Variants in HYDIN observed in about 807,000 individuals in gnomAD.
The protein encoded by HYDIN is axonemal central pair apparatus protein HYDIN.
Under a neutral mutation model 403.9 loss-of-function variants are expected in HYDIN, and 132 were observed. The ratio of observed to expected loss-of-function variants is 0.33; its 90% CI spans 0.28 to 0.38. The LOEUF is 0.38. Among genes scored for constraint, HYDIN ranks in the 10% least tolerant of loss-of-function variants. The pLI is 1.00. For missense variants in HYDIN, 2,827 were observed against 5,009.5 expected, an observed-to-expected ratio of 0.56 and a Z score of 13.15; for synonymous variants, 1,202 against 1,891.7, an observed-to-expected ratio of 0.64 and a Z score of 9.46.
At chr16:71,046,507 C>T (rs573209253) in intron 18 of HYDIN, among the ~76,000 whole-genome samples, 1 of 151,636 alleles carries the variant, frequency 6.6e-6, no homozygotes, top group South Asian at 2.1e-4. Flanking sequence ...TTTTTCCTTC[C>T]AAAGCACAAA....
chr16:71,205,658 C>T (rs2088259022), intron 1 of HYDIN, among the ~76,000 whole-genome samples: 1 of 152,224 alleles, frequency 6.6e-6, no homozygotes, highest in African/African-American at 2.4e-5. Flanking sequence ...TCTGGCCCAC[C>T]TCCAGCCTGA....
chr16:70,832,962 G>C lies in HYDIN; in HGVS notation c.13785C>G (p.Pro4595=). 10 of 1,614,188 alleles carry C rather than the reference G, an allele frequency of 6.2e-6. No homozygotes were observed. The highest frequency in any genetic ancestry group is 8.5e-6 in the Non-Finnish European group (10 of 1,179,996). Residue 4595 remains proline (P), a synonymous_variant, in exon 80 of 86, where the codon CCC becomes CCG. Transcript: ENST00000393567. ...MEVSFEVTYH[P]TEVGKESLCK... ...AAAGGCTCTCCTTTCCCACCTCGGT[G>C]GGATGGTAGGTCACTTCAAAAGAAA...
chr16:71,005,273 G>T (rs1197627541), intron 23 of HYDIN, among the ~76,000 whole-genome samples: 1 of 152,134 alleles, frequency 6.6e-6, no homozygotes, highest in Admixed American at 6.5e-5. Flanking sequence ...TATCTGTGCT[G>T]TCCAATACAT....
intron 72 of HYDIN, among the ~76,000 whole-genome samples, 170 bp from the exon 73 acceptor site, chr16:70,855,445 G>C (rs935735527): frequency 6.6e-6 from 1 of 152,302 alleles, no homozygotes; most frequent in Admixed American, 6.5e-5. Context: ...CTTCTTTCGG[G>C]GATTCCATGT....
At chr16:71,177,079 C>T (rs28663037) in intron 4 of HYDIN, among the ~76,000 whole-genome samples, 52,324 of 151,626 alleles carry the variant, frequency 0.35, 9,412 homozygotes, top group East Asian at 0.57. Context: ...GGTAGCTGGG[C>T]GTTCCTAGGA....
At chr16:71,170,219 G>A (rs2086406361) in intron 5 of HYDIN, among the ~76,000 whole-genome samples, 2 of 152,312 alleles carry the variant, frequency 1.3e-5, no homozygotes, top group Admixed American at 6.5e-5. Context: ...AAAAGCTGGT[G>A]AGGGAAAGTT....
chr16:70,809,548 A>C (rs1248340247), intron 85 of HYDIN, among the ~76,000 whole-genome samples: 1 of 152,198 alleles, frequency 6.6e-6, no homozygotes, highest in Non-Finnish European at 1.5e-5. Flanking sequence ...CCTACACTCC[A>C]TCACAGCTTG....
At chr16:71,200,277 T>C (rs2087928404) in intron 1 of HYDIN, among the ~76,000 whole-genome samples, 1 of 152,200 alleles carries the variant, frequency 6.6e-6, no homozygotes, top group Non-Finnish European at 1.5e-5. Context: ...CTTTTATTCC[T>C]TTACTTTCCT....
At chr16:70,895,793 T>C (rs551871847) in intron 54 of HYDIN, among the ~76,000 whole-genome samples, 188 bp downstream of exon 54, 1 of 152,012 alleles carries the variant, frequency 6.6e-6, no homozygotes, top group East Asian at 1.9e-4. Flanking sequence ...TTTCTACCTC[T>C]GGTTGGAGAA....
intron 84 of HYDIN, 139 bp from the exon 85 acceptor site, chr16:70,810,146 C>T: frequency 2.7e-6 from 2 of 749,368 alleles, no homozygotes; most frequent in Non-Finnish European, 4.5e-6. Flanking sequence ...CCTGGGGAAC[C>T]TGTCCAAACC....
intron 23 of HYDIN, among the ~76,000 whole-genome samples, chr16:70,995,877 A>G (rs2079516916): frequency 1.3e-5 from 2 of 151,754 alleles, no homozygotes; most frequent in African/African-American, 4.8e-5. Flanking sequence ...TATTTTTTTA[A>G]AACTGATGAC....
At chr16:71,040,283 A>T (rs1484344704) in intron 18 of HYDIN, among the ~76,000 whole-genome samples, 2 of 149,400 alleles carry the variant, frequency 1.3e-5, no homozygotes, top group Non-Finnish European at 3.0e-5. Flanking sequence ...TAAGGGACAC[A>T]CTCCCTTCGT....
chr16:71,094,359 G>C (rs141978512), intron 10 of HYDIN, among the ~76,000 whole-genome samples: 1 of 152,098 alleles, frequency 6.6e-6, no homozygotes, highest in African/African-American at 2.4e-5. Flanking sequence ...AGTCACATGG[G>C]TATAACAGTT....
At chr16:70,857,094 TC>T in intron 72 of HYDIN, among the ~76,000 whole-genome samples, 1 of 135,604 alleles carries the variant, frequency 7.4e-6, no homozygotes, top group Non-Finnish European at 1.6e-5. Context: ...TTCCTTATTC[TC>T]CCTACCCTGC....
In HYDIN at chr16:70,999,072, AAACTC is replaced by A. The variant is rs199630155; in HGVS notation, c.3645-6867_3645-6863del. Among the ~76,000 whole-genome samples, 682 of 152,214 alleles carry A rather than the reference AAACTC, an allele frequency of 4.5e-3. 10 individuals carry two copies. Among genetic ancestry groups the A allele is most frequent in the East Asian group, 0.039 (204 of 5,182 alleles). On this transcript the variant is annotated intron_variant, in intron 23 of 85. Coordinates refer to ENST00000393567, the MANE Select transcript of HYDIN (RefSeq NM_001270974.2). Reference sequence around the variant, plus strand: ...CTGACGAGAGATCGCTGAGAGGCTGAAACTCAAGTTACTCAGAGCTTAGGAGATGA... The same window carrying A: ...CTGACGAGAGATCGCTGAGAGGCTGAAAGTTACTCAGAGCTTAGGAGATGA...
rs1798540 is a variant in HYDIN, at chr16:70,981,254, C to A, written c.4510+137G>T. 48 of 1,332,590 alleles carry A rather than the reference C, an allele frequency of 3.6e-5. No individual in the cohort carries two copies. The East Asian group carries it at 1.2e-3, about 34-fold the overall frequency. The allele number at this position is 1,332,590 out of a possible 1,614,324, so 82.5% of individuals were successfully genotyped here. A position where few individuals can be genotyped will look rare whatever the true frequency, so the allele number is the denominator to read the frequency against. ...CAGTAAACTCAGGTCACCAATTTGG[C>A]AATTGCAGAATAACGTGGAAGAGAA... On this transcript the variant is annotated intron_variant, in intron 29 of 85. Transcript: ENST00000393567.
At chr16:70,931,606 T>C (rs1281048785) in intron 45 of HYDIN, among the ~76,000 whole-genome samples, 2 of 151,826 alleles carry the variant, frequency 1.3e-5, no homozygotes, top group Non-Finnish European at 2.9e-5. Context: ...TGCGTGCATA[T>C]TCAGATTTGA....
At chr16:70,840,395 T>C (rs935313642) in intron 75 of HYDIN, among the ~76,000 whole-genome samples, 162 bp from the exon 76 acceptor site, 9 of 151,604 alleles carry the variant, frequency 5.9e-5, no homozygotes, top group Middle Eastern at 6.3e-3. Context: ...AGTTTGTGTA[T>C]TGAAGAAAAG....
Position 71,039,454 on chromosome 16 carries a change from G to A in HYDIN, c.2530-7537C>T, listed in dbSNP as rs147706482. On this transcript the variant is annotated intron_variant, in intron 18 of 85. Coordinates refer to ENST00000393567, the MANE Select transcript of HYDIN (RefSeq NM_001270974.2). ...AACCCTACCTTTAAGCTGAAAAGCC[G>A]GAACCTGTGGCCCAAAGTGAGAACT... 4.5e-4 allele frequency among the ~76,000 whole-genome samples: 68 copies of A among 152,232 alleles called. 1 individual carries two copies. In the East Asian group the frequency reaches 8.3e-3, roughly 19 times the overall value.
Sources: allele counts gnomAD v4.1 joint callset (sites outside exome capture counted in the v4.1 genomes callset), GRCh38; gene constraint gnomAD v4.1.1; transcripts MANE v1.5; gene names NCBI Gene and HGNC (gene_info 2026-07-23, HGNC 2026-07-21).